ARHGAP15: variants seen among roughly 807,000 people sequenced by gnomAD.
ARHGAP15 encodes the protein Rho GTPase activating protein 15, also known as rho GTPase-activating protein 15.
A neutral mutation model predicts 63.7 loss-of-function variants in ARHGAP15; 51 were observed. That is an observed-to-expected ratio of 0.80 (90% CI 0.64 to 1.01). The LOEUF (loss-of-function observed/expected upper bound fraction) is 1.01. ARHGAP15 is among the 50% of genes least tolerant of loss of function. The pLI is 0.00. For missense variants in ARHGAP15, 560 were observed against 564.6 expected (o/e 0.99, Z 0.08); for synonymous variants, 191 against 193.8 (o/e 0.99, Z 0.12).
chr2:143,540,671 A>C (rs1381320226), intron 10 of ARHGAP15, among the ~76,000 whole-genome samples: 6 of 152,188 alleles, frequency 3.9e-5, no homozygotes, highest in African/African-American at 1.4e-4. Context: ...TCTGGGTTGA[A>C]AATTCTTTTC....
intron 12 of ARHGAP15, among the ~76,000 whole-genome samples, chr2:143,692,863 G>A (rs1174288387): frequency 6.6e-6 from 1 of 152,136 alleles, no homozygotes; most frequent in Admixed American, 6.5e-5. Context: ...GGAACCAAAT[G>A]TTGCAAGGTA....
intron 5 of ARHGAP15, chr2:143,238,184 T>C (rs1019812929): frequency 2.0e-5 from 3 of 151,992 alleles, no homozygotes; most frequent in African/African-American, 7.2e-5. Flanking sequence ...TAAAAGCAAA[T>C]GGTGACAAAT....
At chr2:143,283,389 G>A (rs1468424637) in intron 6 of ARHGAP15, among the ~76,000 whole-genome samples, 2 of 152,066 alleles carry the variant, frequency 1.3e-5, no homozygotes, top group African/African-American at 2.4e-5. Context: ...ATCTGTCTGT[G>A]CTCAAAAATT....
chr2:143,462,673 C>T (rs756054333), intron 8 of ARHGAP15, among the ~76,000 whole-genome samples: 9 of 152,284 alleles, frequency 5.9e-5, no homozygotes, highest in Non-Finnish European at 1.2e-4. Flanking sequence ...TATACCTAAC[C>T]AACCTACTTT....
chr2:143,497,467 A>T (rs1291397049), intron 9 of ARHGAP15, among the ~76,000 whole-genome samples: 1 of 152,154 alleles, frequency 6.6e-6, no homozygotes, highest in Non-Finnish European at 1.5e-5. Flanking sequence ...AAAGGTTAGC[A>T]TTTATTATTG....
At chr2:143,717,747 A>G (rs1463526649) in intron 13 of ARHGAP15, among the ~76,000 whole-genome samples, 3 of 152,228 alleles carry the variant, frequency 2.0e-5, no homozygotes, top group African/African-American at 7.2e-5. Flanking sequence ...CCATGAACAA[A>G]AGAGCATCAC....
intron 12 of ARHGAP15, among the ~76,000 whole-genome samples, chr2:143,633,542 G>A (rs1680156059): frequency 6.6e-6 from 1 of 152,066 alleles, no homozygotes; most frequent in Non-Finnish European, 1.5e-5. Context: ...TATTTTACTT[G>A]CACTCCTTTC....
intron 12 of ARHGAP15, among the ~76,000 whole-genome samples, chr2:143,696,345 G>A (rs1683844136): frequency 6.7e-6 from 1 of 149,744 alleles, no homozygotes; most frequent in Non-Finnish European, 1.5e-5. Context: ...AATAAATAGG[G>A]TTTTCTTATT....
chr2:143,146,063 A>C (rs1689575933), intron 1 of ARHGAP15, among the ~76,000 whole-genome samples: 1 of 151,794 alleles, frequency 6.6e-6, no homozygotes, highest in Admixed American at 6.6e-5. Context: ...AGGGTCTCTT[A>C]AGAGGGCAAT....
At chr2:143,172,618 G>T (rs1162364626) in intron 2 of ARHGAP15, among the ~76,000 whole-genome samples, 2 of 152,054 alleles carry the variant, frequency 1.3e-5, no homozygotes, top group African/African-American at 4.8e-5. Flanking sequence ...GTTCGATGTA[G>T]GTAGAAAGAA....
intron 5 of ARHGAP15, among the ~76,000 whole-genome samples, chr2:143,234,598 A>T (rs1693569073): frequency 6.6e-6 from 1 of 152,214 alleles, no homozygotes. Flanking sequence ...CTCAGGGACA[A>T]GATTGTGCTT....
chr2:143,449,476 A>G (rs1690295510), intron 8 of ARHGAP15, among the ~76,000 whole-genome samples: 1 of 151,978 alleles, frequency 6.6e-6, no homozygotes, highest in Non-Finnish European at 1.5e-5. Flanking sequence ...CTTTATTTTT[A>G]TGTTGTTCTT....
intron 6 of ARHGAP15, among the ~76,000 whole-genome samples, chr2:143,386,600 G>A (rs893152224): frequency 1.3e-5 from 2 of 152,000 alleles, no homozygotes; most frequent in African/African-American, 4.8e-5. Flanking sequence ...ATAATAAAGG[G>A]CCAACAGCAC....
Position 143,534,501 on chromosome 2 carries a change from A to G in ARHGAP15, c.925+15137A>G, listed in dbSNP as rs578260750. On this transcript the variant is annotated intron_variant, in intron 10 of 13. Coordinates refer to ENST00000295095, the MANE Select transcript of ARHGAP15 (RefSeq NM_018460.4). ...TATTCTCTGCAGTCCTTACCCAGAG[A>G]AGAGACAGGCCTGGCTCAGAGATCT... 7.9e-5 allele frequency among the ~76,000 whole-genome samples: 12 copies of G among 152,186 alleles called. 1 individual carries two copies. In the South Asian group the frequency reaches 2.3e-3, roughly 29 times the overall value.
intron 12 of ARHGAP15, among the ~76,000 whole-genome samples, chr2:143,627,312 A>T (rs1157828949): frequency 2.6e-5 from 4 of 152,198 alleles, no homozygotes; most frequent in Non-Finnish European, 5.9e-5. Flanking sequence ...GGGCTGAGAC[A>T]TATGATATTG....
At chr2:143,520,396 G>A (rs1206941314) in intron 10 of ARHGAP15, among the ~76,000 whole-genome samples, 1 of 152,134 alleles carries the variant, frequency 6.6e-6, no homozygotes, top group Non-Finnish European at 1.5e-5. Context: ...ACAGCCTTGG[G>A]ATCCTATTAT....
intron 6 of ARHGAP15, among the ~76,000 whole-genome samples, chr2:143,394,309 C>T (rs1196265702): frequency 1.3e-5 from 2 of 152,154 alleles, no homozygotes; most frequent in Non-Finnish European, 2.9e-5. Flanking sequence ...GACTCAAGAG[C>T]TAGTGACAGC....
intron 6 of ARHGAP15, among the ~76,000 whole-genome samples, chr2:143,322,969 A>G (rs1684090796): frequency 6.6e-6 from 1 of 152,232 alleles, no homozygotes; most frequent in African/African-American, 2.4e-5. Flanking sequence ...AATGAAAATT[A>G]GGTGACTTTG....
chr2:143,377,347 G>T (rs1005856428), intron 6 of ARHGAP15, among the ~76,000 whole-genome samples: 1 of 151,782 alleles, frequency 6.6e-6, no homozygotes, highest in Non-Finnish European at 1.5e-5. Flanking sequence ...AAAATTGCTA[G>T]CACATTTTCA....
Sources: gnomAD v4.1 joint callset for allele counts (sites outside exome capture counted in the v4.1 genomes callset) on GRCh38, gnomAD v4.1.1 for gene constraint, MANE v1.5 for transcripts, NCBI Gene and HGNC (gene_info 2026-07-23, HGNC 2026-07-21) for gene names.